Variants in PCED1B observed in about 807,000 individuals in gnomAD.
PCED1B encodes PC-esterase domain containing 1B.
For synonymous variants in PCED1B, 251 were observed against 246.1 expected, an observed-to-expected ratio of 1.02 and a Z score of -0.19; for missense variants, 573 against 573.9, an observed-to-expected ratio of 1.00 and a Z score of 0.02.
At chr12:47,154,228 T>C (rs757966065) in intron 2 of PCED1B, among the ~76,000 whole-genome samples, 5 of 152,228 alleles carry the variant, frequency 3.3e-5, no homozygotes, top group South Asian at 2.1e-4. Context: ...TTTCTGGTAG[T>C]CCTTTTAAGT....
chr12:47,132,974 A>G (rs1482067740), intron 2 of PCED1B, among the ~76,000 whole-genome samples: 1 of 152,218 alleles, frequency 6.6e-6, no homozygotes, highest in Non-Finnish European at 1.5e-5. Context: ...ATAGTTCAAT[A>G]TACTATTCTA....
intron 2 of PCED1B, among the ~76,000 whole-genome samples, chr12:47,157,555 C>A (rs1941234473): frequency 6.6e-6 from 1 of 152,134 alleles, no homozygotes; most frequent in Non-Finnish European, 1.5e-5. Flanking sequence ...GCCTAGGCGA[C>A]AGAGCAAGGC....
intron 2 of PCED1B, among the ~76,000 whole-genome samples, chr12:47,113,102 C>A (rs759269531): frequency 1.3e-5 from 2 of 152,182 alleles, no homozygotes; most frequent in Non-Finnish European, 2.9e-5. Context: ...CTTATTCATT[C>A]TGTAAAGCTG....
intron 2 of PCED1B, among the ~76,000 whole-genome samples, chr12:47,112,287 C>G (rs763532781): frequency 2.6e-5 from 4 of 152,220 alleles, no homozygotes; most frequent in Admixed American, 6.5e-5. Flanking sequence ...GGGGATTCCT[C>G]TCAGTCCACT....
intron 2 of PCED1B, among the ~76,000 whole-genome samples, chr12:47,213,594 G>C (rs959977050): frequency 6.6e-6 from 1 of 152,212 alleles, no homozygotes; most frequent in Non-Finnish European, 1.5e-5. Flanking sequence ...CTTGCATAAA[G>C]CAAAGTTTAA....
chr12:47,086,427 A>G (rs891634697), intron 1 of PCED1B, among the ~76,000 whole-genome samples: 2 of 151,638 alleles, frequency 1.3e-5, no homozygotes, highest in African/African-American at 2.4e-5. Flanking sequence ...GCCATTTACA[A>G]TCTCACTGGA....
intron 3 of PCED1B, among the ~76,000 whole-genome samples, chr12:47,218,510 G>C (rs1943372832): frequency 6.6e-6 from 1 of 152,178 alleles, no homozygotes; most frequent in Admixed American, 6.5e-5. Flanking sequence ...CAGAGACAGT[G>C]TCTTGCTCTG....
chr12:47,196,720 C>G (rs1191038975), intron 2 of PCED1B, among the ~76,000 whole-genome samples: 1 of 152,026 alleles, frequency 6.6e-6, no homozygotes, highest in Non-Finnish European at 1.5e-5. Context: ...CCCAGCTACT[C>G]AGGAGTTTGA....
intron 3 of PCED1B, among the ~76,000 whole-genome samples, chr12:47,233,825 T>G (rs745412938): frequency 6.6e-6 from 1 of 152,168 alleles, no homozygotes; most frequent in Non-Finnish European, 1.5e-5. Flanking sequence ...CATTTTGGGG[T>G]GGCATATTCC....
At chr12:47,153,418 A>G (rs1331394293) in intron 2 of PCED1B, among the ~76,000 whole-genome samples, 1 of 152,066 alleles carries the variant, frequency 6.6e-6, no homozygotes, top group Non-Finnish European at 1.5e-5. Flanking sequence ...ACTGAATTAC[A>G]CAGTTTAAAA....
chr12:47,209,183 C>G (rs1943002880), intron 2 of PCED1B: 1 of 152,250 alleles, frequency 6.6e-6, no homozygotes, highest in East Asian at 1.9e-4. Context: ...GCAGAACCAG[C>G]CCTCCAGGAA....
intron 2 of PCED1B, among the ~76,000 whole-genome samples, chr12:47,160,872 C>T (rs527689606): frequency 2.6e-5 from 4 of 152,186 alleles, no homozygotes; most frequent in South Asian, 4.1e-4. Context: ...GTGTGTGGTT[C>T]GGTTCTGTTC....
At chr12:47,149,249 T>A (rs1940902328) in intron 2 of PCED1B, among the ~76,000 whole-genome samples, 1 of 152,188 alleles carries the variant, frequency 6.6e-6, no homozygotes, top group Non-Finnish European at 1.5e-5. Context: ...GACAATACAC[T>A]TCACTCACCT....
intron 2 of PCED1B, among the ~76,000 whole-genome samples, chr12:47,142,228 C>T (rs1011481823): frequency 6.6e-6 from 1 of 152,156 alleles, no homozygotes; most frequent in Non-Finnish European, 1.5e-5. Context: ...AACTGCAGAC[C>T]TCACACTGGA....
At chr12:47,099,200 C>G (rs1938601367) in intron 1 of PCED1B, among the ~76,000 whole-genome samples, 1 of 152,214 alleles carries the variant, frequency 6.6e-6, no homozygotes, top group South Asian at 2.1e-4. Flanking sequence ...AAGAGCACAG[C>G]AGTGAGAAGG....
chr12:47,082,462 C>T (rs1248380039), intron 1 of PCED1B, among the ~76,000 whole-genome samples: 7 of 152,156 alleles, frequency 4.6e-5, no homozygotes, highest in African/African-American at 1.7e-4. Context: ...ACCTGAAGGC[C>T]ACTGCATACT....
chr12:47,194,665 C>T (rs1942546934), intron 2 of PCED1B, among the ~76,000 whole-genome samples: 1 of 152,162 alleles, frequency 6.6e-6, no homozygotes, highest in African/African-American at 2.4e-5. Context: ...AACTGTGGGA[C>T]AAAGTACTCC....
rs553770865 is a variant in PCED1B at position 47,109,962 on chromosome 12, G to C, written c.-526+5767G>C. Among the ~76,000 whole-genome samples the C allele has an allele frequency of 1.7e-4, 26 of 152,246 alleles. No individual in the cohort carries two copies. In the South Asian group the frequency reaches 5.4e-3, roughly 32 times the overall value. ...ATGATTCTAAACCATGTTGAAATTTGGGCAGTATATCAAACTCTTTAGTGA... is the reference window on the plus strand; with the variant it reads ...ATGATTCTAAACCATGTTGAAATTTCGGCAGTATATCAAACTCTTTAGTGA... On this transcript the variant is annotated intron_variant, in intron 2 of 3. Coordinates refer to ENST00000546455, the MANE Select transcript of PCED1B (RefSeq NM_138371.3).
intron 1 of PCED1B, among the ~76,000 whole-genome samples, chr12:47,086,752 G>A (rs866251184): frequency 1.3e-5 from 2 of 152,006 alleles, no homozygotes; most frequent in African/African-American, 4.8e-5. Flanking sequence ...ATTCTTAAAC[G>A]CTATTATATC....
Sources: allele counts gnomAD v4.1 joint callset (sites outside exome capture counted in the v4.1 genomes callset), GRCh38; gene constraint gnomAD v4.1.1; transcripts MANE v1.5; gene names NCBI Gene and HGNC (gene_info 2026-07-23, HGNC 2026-07-21).